The following PCDH9 variants were observed in gnomAD, a reference collection of about 807,000 sequenced individuals.
The protein encoded by PCDH9 is protocadherin-9.
A neutral mutation model predicts 70.6 loss-of-function variants in PCDH9; 24 were observed. That is an observed-to-expected ratio of 0.34 (90% CI 0.25 to 0.48). The LOEUF is 0.48. Among genes scored for constraint, PCDH9 ranks in the 20% least tolerant of loss-of-function variants. The pLI is 0.99. For synonymous variants in PCDH9, 562 were observed against 558.5 expected (o/e 1.01, Z -0.09); for missense variants, 1,281 against 1,503.6 (o/e 0.85, Z 2.45).
intron 3 of PCDH9, among the ~76,000 whole-genome samples, chr13:66,680,862 A>G (rs959941422): frequency 3.9e-5 from 6 of 152,106 alleles, no homozygotes; most frequent in African/African-American, 1.4e-4. Context: ...CAACAAAAAG[A>G]GAAAATAGCA....
chr13:66,879,403 G>T (rs1480038815), intron 3 of PCDH9, among the ~76,000 whole-genome samples: 2 of 151,898 alleles, frequency 1.3e-5, no homozygotes, highest in African/African-American at 2.4e-5. Context: ...GAAAATAGAT[G>T]ATTAAAAAAA....
At chr13:67,186,508 A>G (rs970356674) in intron 2 of PCDH9, among the ~76,000 whole-genome samples, 1 of 152,214 alleles carries the variant, frequency 6.6e-6, no homozygotes, top group Non-Finnish European at 1.5e-5. Context: ...ATTTCTAACA[A>G]GCACCCAGCT....
chr13:66,852,504 T>C (rs1488302876), intron 3 of PCDH9, among the ~76,000 whole-genome samples: 5 of 152,152 alleles, frequency 3.3e-5, no homozygotes, highest in Non-Finnish European at 7.4e-5. Context: ...GATACATATG[T>C]ATAATCTCTC....
chr13:67,161,160 T>C (rs1180805728), intron 2 of PCDH9, among the ~76,000 whole-genome samples: 1 of 152,320 alleles, frequency 6.6e-6, no homozygotes, highest in East Asian at 1.9e-4. Flanking sequence ...GATTGCAGAA[T>C]GAGTCAAAAT....
At chr13:66,968,919 TC>T (rs1414615512) in intron 2 of PCDH9, among the ~76,000 whole-genome samples, 1 of 152,002 alleles carries the variant, frequency 6.6e-6, no homozygotes, top group Admixed American at 6.6e-5. Context: ...GAGCTAGAAT[TC>T]CAGTGGGGAC....
chr13:66,647,207 C>T (rs55961043), intron 3 of PCDH9, among the ~76,000 whole-genome samples: 18,712 of 152,142 alleles, frequency 0.12, 1,339 homozygotes, highest in African/African-American at 0.19. Flanking sequence ...AGTGAGACAC[C>T]AGCCAGGGTT....
intron 3 of PCDH9, among the ~76,000 whole-genome samples, chr13:66,725,455 CT>C (rs1321154687): frequency 2.0e-5 from 3 of 152,108 alleles, no homozygotes; most frequent in African/African-American, 7.2e-5. Flanking sequence ...GAATGACAAG[CT>C]TTTAATTTTT....
chr13:67,014,617 C>T (rs931317722), intron 2 of PCDH9, among the ~76,000 whole-genome samples: 3 of 150,420 alleles, frequency 2.0e-5, no homozygotes, highest in Non-Finnish European at 4.4e-5. Context: ...CTGCCCTGTC[C>T]CACACACACA....
chr13:67,100,592 A>G (rs1391047435), intron 2 of PCDH9, among the ~76,000 whole-genome samples: 3 of 152,240 alleles, frequency 2.0e-5, no homozygotes, highest in African/African-American at 4.8e-5. Flanking sequence ...TAAGCACAAA[A>G]AAGTAATCAC....
At chr13:66,984,095 AC>A (rs1353834524) in intron 2 of PCDH9, among the ~76,000 whole-genome samples, 4 of 152,024 alleles carry the variant, frequency 2.6e-5, no homozygotes, top group Non-Finnish European at 5.9e-5. Context: ...AAATATTCAC[AC>A]CTAATTATAA....
At chr13:67,078,671 T>C (rs1262808488) in intron 2 of PCDH9, among the ~76,000 whole-genome samples, 1 of 152,128 alleles carries the variant, frequency 6.6e-6, no homozygotes, top group African/African-American at 2.4e-5. Flanking sequence ...TCTTTACTTA[T>C]AGCTCTTCCG....
chr13:66,732,342 T>C (rs977950673), intron 3 of PCDH9, among the ~76,000 whole-genome samples: 1 of 152,080 alleles, frequency 6.6e-6, no homozygotes, highest in Non-Finnish European at 1.5e-5. Flanking sequence ...CCTACTGTAC[T>C]GTTGAAAACT....
chr13:66,490,393 A>G (rs1959014846), intron 4 of PCDH9, among the ~76,000 whole-genome samples: 1 of 152,136 alleles, frequency 6.6e-6, no homozygotes, highest in African/African-American at 2.4e-5. Context: ...GCTGCTCTCA[A>G]GGGAAAACTT....
chr13:66,822,887 G>A (rs2080740052), intron 3 of PCDH9, among the ~76,000 whole-genome samples: 1 of 151,836 alleles, frequency 6.6e-6, no homozygotes, highest in South Asian at 2.1e-4. Context: ...AAAAACAATT[G>A]AATTTTCTGA....
At chr13:66,334,573 C>A (rs1031179040) in intron 4 of PCDH9, among the ~76,000 whole-genome samples, 2 of 152,020 alleles carry the variant, frequency 1.3e-5, no homozygotes, top group Non-Finnish European at 2.9e-5. Flanking sequence ...ACTTGCCAGC[C>A]TCCACAACAA....
rs138272305 is a variant in PCDH9, at chr13:66,886,268, C to G, written c.3138+17236G>C. ...CCAATTTCCAAAAGGTTTAGCTCAC[C>G]CTGAGGGGTTGCAGAAAAGGAAGAG... On this transcript the variant is annotated intron_variant, in intron 3 of 4. Coordinates refer to ENST00000377865, the MANE Select transcript of PCDH9 (RefSeq NM_203487.3). Among the ~76,000 whole-genome samples, 206 of 152,184 alleles carry G rather than the reference C, an allele frequency of 1.4e-3. 1 individual carries two copies. The highest frequency in any genetic ancestry group is 4.6e-3 in the African/African-American group (193 of 41,510).
intron 4 of PCDH9, chr13:66,323,699 A>C (rs1239436925): frequency 4.8e-5 from 7 of 147,364 alleles, no homozygotes; most frequent in Admixed American, 3.4e-4. Flanking sequence ...TTTTTTTTTT[A>C]AACCTATGGC....
chr13:66,887,888 AAAGT>A (rs2082034108), intron 3 of PCDH9, among the ~76,000 whole-genome samples: 1 of 152,212 alleles, frequency 6.6e-6, no homozygotes, highest in African/African-American at 2.4e-5. Flanking sequence ...TACAAACCTA[AAAGT>A]CATAATATTG....
chr13:66,926,417 C>T (rs2082719063), intron 2 of PCDH9, among the ~76,000 whole-genome samples: 2 of 152,078 alleles, frequency 1.3e-5, no homozygotes, highest in Admixed American at 1.3e-4. Context: ...TCCAAACTTC[C>T]TGTTTTCTTC....
Sources: gnomAD v4.1 joint callset for allele counts (sites outside exome capture counted in the v4.1 genomes callset) on GRCh38, gnomAD v4.1.1 for gene constraint, MANE v1.5 for transcripts, NCBI Gene and HGNC (gene_info 2026-07-23, HGNC 2026-07-21) for gene names.